The following FAR1 variants were observed in gnomAD, a reference collection of about 807,000 sequenced individuals.
The protein encoded by FAR1 is fatty acyl-CoA reductase 1.
A neutral mutation model predicts 61.1 loss-of-function variants in FAR1; 22 were observed. The observed-to-expected ratio is 0.36, with a 90% confidence interval of 0.26 to 0.51. The LOEUF is 0.51. FAR1 is among the 20% of genes least tolerant of loss of function. The pLI is 0.95. For missense variants in FAR1, 359 were observed against 626.9 expected (o/e 0.57, Z 4.56); for synonymous variants, 206 against 209.7 (o/e 0.98, Z 0.15).
intron 7 of FAR1, 100 bp from the exon 8 acceptor site, chr11:13,712,866 T>A (rs1010526970): frequency 1.3e-6 from 1 of 758,904 alleles, no homozygotes; most frequent in Non-Finnish European, 2.1e-6. Flanking sequence ...ATAGAAAAGG[T>A]GCCCATCATC....
intron 4 of FAR1, among the ~76,000 whole-genome samples, chr11:13,708,408 TCTC>T (rs1182309853): frequency 2.8e-5 from 4 of 144,986 alleles, no homozygotes; most frequent in African/African-American, 1.0e-4. Context: ...CCCTCCCTCT[TCTC>T]CTCACCCCAC....
At chr11:13,672,506 C>T (rs1191086000) in intron 1 of FAR1, among the ~76,000 whole-genome samples, 2 of 148,834 alleles carry the variant, frequency 1.3e-5, no homozygotes, top group African/African-American at 5.0e-5. Flanking sequence ...GATCATGCCG[C>T]TGTACTCCAG....
intron 7 of FAR1, among the ~76,000 whole-genome samples, 168 bp downstream of exon 7, chr11:13,712,214 G>T (rs369878237): frequency 1.6e-4 from 24 of 151,630 alleles, no homozygotes; most frequent in African/African-American, 5.8e-4. Flanking sequence ...AATAGCAAGT[G>T]CTCCCATCAG....
chr11:13,690,619 A>G (rs1309316467), intron 1 of FAR1, among the ~76,000 whole-genome samples: 1 of 152,206 alleles, frequency 6.6e-6, no homozygotes, highest in Non-Finnish European at 1.5e-5. Flanking sequence ...TTCTTGTCCC[A>G]ATACCACATT....
At chr11:13,694,169 T>C (rs1848284514) in intron 1 of FAR1, among the ~76,000 whole-genome samples, 2 of 152,192 alleles carry the variant, frequency 1.3e-5, no homozygotes, top group Non-Finnish European at 2.9e-5. Flanking sequence ...GTAGAGAAGA[T>C]AAGTCAGCTC....
chr11:13,673,810 T>A (rs1338475355), intron 1 of FAR1, among the ~76,000 whole-genome samples: 1 of 152,266 alleles, frequency 6.6e-6, no homozygotes. Context: ...ATCTCAAAAT[T>A]GATGAAGCAT....
rs538976618 is a variant in FAR1, at chr11:13,731,605, T to G, written c.*2831T>G. On this transcript the variant is annotated 3_prime_UTR_variant, in exon 12 of 12. Coordinates refer to ENST00000354817, the MANE Select transcript of FAR1 (RefSeq NM_032228.6). ...ACTTCTTGTCTGTTTTAGGTGTACT[T>G]GTTAATTCTTATGTCCTAATTTTAT... is the stretch of plus-strand genomic sequence containing the variant. 113 of 152,520 alleles carry G rather than the reference T, an allele frequency of 7.4e-4. No individual in the cohort carries two copies. Among genetic ancestry groups the G allele is most frequent in the African/African-American group, 2.6e-3 (109 of 41,580 alleles). The allele number at this position is 152,520 out of a possible 1,614,324, so 9.4% of individuals were successfully genotyped here.
chr11:13,690,114 T>A (rs1848233202), intron 1 of FAR1, among the ~76,000 whole-genome samples: 1 of 151,990 alleles, frequency 6.6e-6, no homozygotes, highest in Admixed American at 6.6e-5. Context: ...TGACCTCAGG[T>A]AATCTGCCCG....
intron 1 of FAR1, among the ~76,000 whole-genome samples, chr11:13,685,822 A>G (rs535803000): frequency 4.6e-5 from 7 of 152,292 alleles, no homozygotes; most frequent in African/African-American, 1.7e-4. Flanking sequence ...GTCTTATTTC[A>G]TATGTTAAAA....
At position 13,711,824 on chromosome 11, in the gene FAR1, GATTT is replaced by G. The variant is rs750423170; in HGVS notation, c.768+22_768+25del. On this transcript the variant is annotated intron_variant, in intron 6 of 11. Transcript: ENST00000354817. ...CTTTATTGCGGTAAGTAAACCTTTT[GATTT>G]ATTTAATATTCTATACATTTTTCTG... 1.9e-6 allele frequency: 3 copies of G among 1,591,068 alleles called. No homozygotes were observed. The highest frequency in any genetic ancestry group is 3.5e-5 in the Admixed American group (2 of 57,668).
chr11:13,678,087 C>T (rs1848087063), intron 1 of FAR1, among the ~76,000 whole-genome samples: 1 of 152,164 alleles, frequency 6.6e-6, no homozygotes, highest in Non-Finnish European at 1.5e-5. Flanking sequence ...CGGACTTCTA[C>T]GTTTTGAGTA....
At chr11:13,672,841 G>A (rs957371013) in intron 1 of FAR1, among the ~76,000 whole-genome samples, 4 of 152,088 alleles carry the variant, frequency 2.6e-5, no homozygotes, top group Admixed American at 2.6e-4. Flanking sequence ...TACAGTCTTT[G>A]TTTTCCTGAA....
intron 3 of FAR1, among the ~76,000 whole-genome samples, chr11:13,701,182 A>T (rs747833770): frequency 6.6e-6 from 1 of 152,098 alleles, no homozygotes; most frequent in Non-Finnish European, 1.5e-5. Context: ...TCTCATGCCA[A>T]TTAAAATGGT....
At chr11:13,670,376 C>T (rs979582172) in intron 1 of FAR1, among the ~76,000 whole-genome samples, 5 of 152,192 alleles carry the variant, frequency 3.3e-5, no homozygotes, top group African/African-American at 1.2e-4. Flanking sequence ...GCAACCTCCA[C>T]CTCCCAGGTT....
In FAR1 at chr11:13,694,763, A is replaced by G; in HGVS notation, c.-3A>G. 2 of 1,607,502 alleles carry G rather than the reference A, an allele frequency of 1.2e-6. No individual in the cohort carries two copies. The highest frequency in any genetic ancestry group is 1.7e-6 in the Non-Finnish European group (2 of 1,177,136). ...TATTTGCCATGTTTTTCTTAGGATC[A>G]AAATGGTTTCAATCCCAGAATACTA... On this transcript the variant is annotated 5_prime_UTR_variant, in exon 2 of 12. Coordinates refer to ENST00000354817, the MANE Select transcript of FAR1 (RefSeq NM_032228.6).
chr11:13,704,453 T>C (rs1848412097), intron 3 of FAR1, among the ~76,000 whole-genome samples: 1 of 152,174 alleles, frequency 6.6e-6, no homozygotes, highest in Admixed American at 6.5e-5. Context: ...AACTTTAGAA[T>C]GTATTAAGAA....
chr11:13,699,301 A>G (rs1848343232), intron 2 of FAR1, among the ~76,000 whole-genome samples: 1 of 152,224 alleles, frequency 6.6e-6, no homozygotes, highest in African/African-American at 2.4e-5. Context: ...TTTAGAATCT[A>G]GAAGGTGCCT....
intron 4 of FAR1, among the ~76,000 whole-genome samples, chr11:13,708,447 G>GCGCGCGCGCGCA (rs139902063): frequency 1.5e-5 from 2 of 136,700 alleles, no homozygotes; most frequent in African/African-American, 5.5e-5. Flanking sequence ...GCGCGCGCGC[G>GCGCGCGCGCGCA]CACACACACA....
chr11:13,671,851 G>T (rs1297596270), intron 1 of FAR1, among the ~76,000 whole-genome samples: 2 of 152,170 alleles, frequency 1.3e-5, no homozygotes, highest in African/African-American at 4.8e-5. Flanking sequence ...GTTCAATATT[G>T]ACAAGAAAAT....
Sources: allele counts gnomAD v4.1 joint callset (sites outside exome capture counted in the v4.1 genomes callset), GRCh38; gene constraint gnomAD v4.1.1; transcripts MANE v1.5; gene names NCBI Gene and HGNC (gene_info 2026-07-23, HGNC 2026-07-21).